The following TRPM3 variants were observed in gnomAD, a reference collection of about 807,000 sequenced individuals.
The protein encoded by TRPM3 is long transient receptor potential channel 3.
A neutral mutation model predicts 181.2 loss-of-function variants in TRPM3; 77 were observed. The observed-to-expected ratio is 0.42, with a 90% confidence interval of 0.35 to 0.51. The LOEUF (loss-of-function observed/expected upper bound fraction) is 0.51. Among genes scored for constraint, TRPM3 ranks in the 20% least tolerant of loss-of-function variants. The pLI is 0.01. For synonymous variants in TRPM3, 745 were observed against 796.4 expected, an observed-to-expected ratio of 0.94 and a Z score of 1.09; for missense variants, 1,759 against 2,196.7, an observed-to-expected ratio of 0.80 and a Z score of 3.98.
At chr9:70,842,405 C>T (rs903388300) in intron 5 of TRPM3, among the ~76,000 whole-genome samples, 13 of 151,006 alleles carry the variant, frequency 8.6e-5, no homozygotes, top group African/African-American at 3.2e-4. Context: ...TAAAAAATTG[C>T]ATATATTGTG....
intron 6 of TRPM3, among the ~76,000 whole-genome samples, chr9:70,818,026 T>G (rs1339741514): frequency 6.6e-6 from 1 of 152,194 alleles, no homozygotes; most frequent in Non-Finnish European, 1.5e-5. Context: ...ACATTTGTTG[T>G]GCACAACATT....
intron 3 of TRPM3, among the ~76,000 whole-genome samples, chr9:70,848,327 G>C (rs2095067891): frequency 6.6e-6 from 1 of 151,998 alleles, no homozygotes; most frequent in Non-Finnish European, 1.5e-5. Context: ...GAAAACAAAG[G>C]ATTTGAAAAC....
In TRPM3 at chr9:71,354,175, C is replaced by T. The variant is rs561166400; in HGVS notation, c.183+92478G>A. Among the ~76,000 whole-genome samples, 8 of 152,290 alleles carry T rather than the reference C, an allele frequency of 5.3e-5. No homozygotes were observed. In the South Asian group the frequency reaches 6.2e-4, roughly 12 times the overall value. ...CATGAACAGTCTAACCACTGTCAAC[C>T]CTCACTCCCCAAAACTCTGGGAGAG... On this transcript the variant is annotated intron_variant, in intron 1 of 24. Coordinates refer to the TRPM3 transcript ENST00000357533.
chr9:70,974,883 T>TTTTTTTTTTA (rs2097287794), intron 1 of TRPM3, among the ~76,000 whole-genome samples: 1 of 147,940 alleles, frequency 6.8e-6, no homozygotes, highest in African/African-American at 2.5e-5. Flanking sequence ...TTTTTTTTTT[T>TTTTTTTTTTA]GAGGTAGAGT....
chr9:70,576,504 T>TC (rs2053994810), intron 22 of TRPM3, among the ~76,000 whole-genome samples: 1 of 149,932 alleles, frequency 6.7e-6, no homozygotes, highest in African/African-American at 2.5e-5. Context: ...TCCTCCTCCT[T>TC]CTTCTTTTTT....
chr9:70,933,717 T>C (rs1209540749), intron 1 of TRPM3, among the ~76,000 whole-genome samples: 1 of 151,870 alleles, frequency 6.6e-6, no homozygotes, highest in Non-Finnish European at 1.5e-5. Context: ...TTTTTTTTAA[T>C]GCGTTTGTTT....
upstream of TRPM3, chr9:71,121,679 C>G (rs1363670320): frequency 5.5e-6 from 6 of 1,092,970 alleles, no homozygotes; most frequent in Middle Eastern, 7.8e-4. Flanking sequence ...TGGGGGGGAA[C>G]CGGGGCCATT....
At chr9:71,004,952 A>G (rs1812735963) in intron 1 of TRPM3, among the ~76,000 whole-genome samples, 1 of 152,226 alleles carries the variant, frequency 6.6e-6, no homozygotes, top group Non-Finnish European at 1.5e-5. Flanking sequence ...ATAAAAAAGA[A>G]GAGTAAAGAA....
At chr9:71,331,914 G>A (rs1020239496) in intron 1 of TRPM3, among the ~76,000 whole-genome samples, 1 of 16,008 alleles carries the variant, frequency 6.2e-5, no homozygotes, top group African/African-American at 2.1e-4. Context: ...GGAGGAAGAA[G>A]AGGAGGAAGA....
intron 6 of TRPM3, among the ~76,000 whole-genome samples, chr9:70,822,759 T>TG (rs2093280974): frequency 1.4e-5 from 2 of 147,100 alleles, no homozygotes; most frequent in African/African-American, 5.1e-5. Flanking sequence ...AAGATTTGTC[T>TG]TGTGTGTGTG....
At chr9:71,239,271 C>T (rs2131955999) in intron 1 of TRPM3, among the ~76,000 whole-genome samples, 1 of 152,210 alleles carries the variant, frequency 6.6e-6, no homozygotes, top group Non-Finnish European at 1.5e-5. Context: ...CACAGGTAAA[C>T]ACTTCAAAAC....
chr9:71,089,904 G>A lies in TRPM3; in HGVS notation c.177+31274C>T, dbSNP rs565252823. On this transcript the variant is annotated intron_variant, in intron 1 of 25. Transcript: ENST00000677713. ...CTCCCTGGACCATACTGGAAAAGAA[G>A]AATTGTCTTGGGCCATGCATAAAAT... 4.6e-5 allele frequency among the ~76,000 whole-genome samples: 7 copies of A among 152,236 alleles called. No individual in the cohort carries two copies. In the South Asian group the frequency reaches 1.2e-3, roughly 27 times the overall value.
chr9:70,966,357 C>T (rs868305371), intron 1 of TRPM3, among the ~76,000 whole-genome samples: 4 of 151,964 alleles, frequency 2.6e-5, no homozygotes, highest in Non-Finnish European at 4.4e-5. Context: ...GACTTAGAAA[C>T]AGAATTACCA....
intron 1 of TRPM3, among the ~76,000 whole-genome samples, chr9:71,069,575 A>G (rs2133503047): frequency 6.6e-6 from 1 of 151,878 alleles, no homozygotes; most frequent in Middle Eastern, 3.4e-3. Context: ...ACAGGTAGGA[A>G]TAGGAGGGCC....
rs79947498 is a variant in TRPM3, at chr9:71,028,939, C to T, written c.177+92239G>A. On this transcript the variant is annotated intron_variant, in intron 1 of 25. Transcript: ENST00000677713. ...CTAAACCAAATAGACCTGATAGACA[C>T]CTACAGAACTCTCTATTACAAAACA... Among the ~76,000 whole-genome samples, 756 of 152,252 alleles carry T rather than the reference C, an allele frequency of 5.0e-3. 19 individuals are homozygous for T. In the East Asian group the frequency reaches 0.078, roughly 16 times the overall value.
At chr9:71,446,584 G>C in intron 1 of TRPM3, 1 of 1,486,846 alleles carries the variant, frequency 6.7e-7, no homozygotes, top group Non-Finnish European at 9.1e-7. Context: ...CAGCACCATG[G>C]AAAGGGCTCA....
At chr9:70,588,143 T>TC (rs1331294840) in intron 22 of TRPM3, among the ~76,000 whole-genome samples, 2 of 152,352 alleles carry the variant, frequency 1.3e-5, no homozygotes, top group African/African-American at 4.8e-5. Context: ...CCATTTTCTT[T>TC]CCTTTGGGTT....
chr9:70,947,094 C>G (rs1341878006), intron 1 of TRPM3, among the ~76,000 whole-genome samples: 1 of 152,140 alleles, frequency 6.6e-6, no homozygotes, highest in Non-Finnish European at 1.5e-5. Context: ...AGTGAAATTT[C>G]TGGCTCATAA....
rs150046019 is a variant in TRPM3, at chr9:71,317,940, T to C, written c.183+128713A>G. On this transcript the variant is annotated intron_variant, in intron 1 of 24. Transcript: ENST00000357533. ...TCCTAGAAAAAGTACAGGCAGGAAATTGGGCTTCAACATTTAAAATAGAAT... is the reference window on the plus strand; with the variant it reads ...TCCTAGAAAAAGTACAGGCAGGAAACTGGGCTTCAACATTTAAAATAGAAT... Among the ~76,000 whole-genome samples, 830 of 152,172 alleles carry C rather than the reference T, an allele frequency of 5.5e-3. 8 individuals carry two copies. The highest frequency in any genetic ancestry group is 0.019 in the African/African-American group (793 of 41,548).
Sources: gnomAD v4.1 joint callset for allele counts (sites outside exome capture counted in the v4.1 genomes callset) on GRCh38, gnomAD v4.1.1 for gene constraint, MANE v1.5 for transcripts, NCBI Gene and HGNC (gene_info 2026-07-23, HGNC 2026-07-21) for gene names.